Variants in RNF214 observed in about 807,000 individuals in gnomAD.
RNF214 encodes the protein ring finger protein 214.
In RNF214, 25 loss-of-function variants were observed where a neutral mutation model predicts 75.9. That is an observed-to-expected ratio of 0.33 (90% CI 0.24 to 0.46). RNF214 has a LOEUF of 0.46. RNF214 is among the 20% of genes least tolerant of loss of function. The pLI is 1.00. For missense variants in RNF214, 725 were observed against 857.5 expected (o/e 0.85, Z 1.93); for synonymous variants, 314 against 308.8 (o/e 1.02, Z -0.18).
chr11:117,261,180 G>A (rs1251679107), intron 6 of RNF214, among the ~76,000 whole-genome samples: 2 of 152,080 alleles, frequency 1.3e-5, no homozygotes, highest in Non-Finnish European at 2.9e-5. Context: ...TAGGTTTTTT[G>A]TGTATGCCTT....
At chr11:117,252,813 C>G (rs1342368816) in intron 6 of RNF214, among the ~76,000 whole-genome samples, 1 of 152,164 alleles carries the variant, frequency 6.6e-6, no homozygotes, top group Non-Finnish European at 1.5e-5. Context: ...AGCCGCCTCA[C>G]CTGGCCTGAA....
chr11:117,242,895 G>C (rs973253246), intron 4 of RNF214, among the ~76,000 whole-genome samples: 1 of 152,162 alleles, frequency 6.6e-6, no homozygotes, highest in Non-Finnish European at 1.5e-5. Context: ...CTTTGGTTAA[G>C]ATCCTCTTTC....
rs1264216489 is a variant in RNF214 at position 117,235,201 on chromosome 11, C to T, written c.107+822C>T. Among the ~76,000 whole-genome samples the T allele has an allele frequency of 2.0e-5, 3 of 152,078 alleles. No individual in the cohort carries two copies. The East Asian group carries it at 5.8e-4, about 29-fold the overall frequency. On this transcript the variant is annotated intron_variant, in intron 2 of 14. Transcript: ENST00000300650. ...TTTTAATGGTTTCAAATCTATTTCA[C>T]TTTTCTTTTTTTGAGATGGAGTCTC... is the stretch of plus-strand genomic sequence containing the variant.
chr11:117,241,788 T>C (rs1341090324), intron 4 of RNF214, among the ~76,000 whole-genome samples: 1 of 152,208 alleles, frequency 6.6e-6, no homozygotes, highest in African/African-American at 2.4e-5. Flanking sequence ...GATACTATTT[T>C]CCATTTCTTT....
chr11:117,281,792 A>T, intron 10 of RNF214, 94 bp downstream of exon 10: 4 of 1,502,328 alleles, frequency 2.7e-6, no homozygotes, highest in Non-Finnish European at 3.7e-6. Flanking sequence ...TATTGGGACC[A>T]TCCCTATTCA....
intron 6 of RNF214, among the ~76,000 whole-genome samples, chr11:117,277,625 G>T (rs535713994): frequency 6.6e-6 from 1 of 152,300 alleles, no homozygotes; most frequent in African/African-American, 2.4e-5. Context: ...GCTCTCTTTT[G>T]TATATGTAAG....
At chr11:117,260,100 G>T (rs1222377046) in intron 6 of RNF214, among the ~76,000 whole-genome samples, 1 of 151,490 alleles carries the variant, frequency 6.6e-6, no homozygotes, top group African/African-American at 2.4e-5. Flanking sequence ...TCTCCCCCTG[G>T]GAGGCACAAC....
chr11:117,283,329 T>C (rs1326778211), intron 14 of RNF214, 119 bp downstream of exon 14: 1 of 696,160 alleles, frequency 1.4e-6, no homozygotes, highest in East Asian at 2.7e-5. Flanking sequence ...TTTCTTTTAC[T>C]GTGTTGGTGC....
At chr11:117,253,482 AAGGTGAGGTTTC>A (rs2033448652) in intron 6 of RNF214, among the ~76,000 whole-genome samples, 1 of 152,096 alleles carries the variant, frequency 6.6e-6, no homozygotes, top group African/African-American at 2.4e-5. Context: ...TGGCATTAGA[AAGGTGAGGTTTC>A]CCTGTTAGTG....
At chr11:117,281,173 C>T in intron 8 of RNF214, 141 bp from the exon 9 acceptor site, 1 of 599,166 alleles carries the variant, frequency 1.7e-6, no homozygotes, top group Non-Finnish European at 3.1e-6. Flanking sequence ...AGGGTTTAGC[C>T]ACATTGCCCA....
At chr11:117,282,674 A>G (rs866304512) in intron 12 of RNF214, 72 bp from the exon 13 acceptor site, 23 of 1,553,498 alleles carry the variant, frequency 1.5e-5, no homozygotes, top group Middle Eastern at 1.7e-4. Flanking sequence ...GGACTGGGAA[A>G]TAAGTGATTT....
chr11:117,276,109 A>G (rs1470951388), intron 6 of RNF214, among the ~76,000 whole-genome samples: 1 of 152,232 alleles, frequency 6.6e-6, no homozygotes, highest in African/African-American at 2.4e-5. Context: ...AATGTGATTC[A>G]CCACATAAAC....
intron 14 of RNF214, among the ~76,000 whole-genome samples, 183 bp from the exon 15 acceptor site, chr11:117,284,903 C>T (rs1329087553): frequency 1.3e-5 from 2 of 152,164 alleles, no homozygotes; most frequent in Admixed American, 6.5e-5. Flanking sequence ...GCACGCCAGC[C>T]TGGGCAATAG....
chr11:117,267,282 G>A (rs989858567), intron 6 of RNF214, among the ~76,000 whole-genome samples: 2 of 152,154 alleles, frequency 1.3e-5, no homozygotes, highest in East Asian at 1.9e-4. Context: ...TGTGGTTCAT[G>A]TATTTTGTGG....
chr11:117,234,817 T>C (rs2032856057), intron 2 of RNF214, among the ~76,000 whole-genome samples: 1 of 152,178 alleles, frequency 6.6e-6, no homozygotes, highest in South Asian at 2.1e-4. Flanking sequence ...TGAACTAAAT[T>C]AGCTATATAG....
At chr11:117,274,573 G>A (rs965345957) in intron 6 of RNF214, among the ~76,000 whole-genome samples, 1 of 151,264 alleles carries the variant, frequency 6.6e-6, no homozygotes, top group Non-Finnish European at 1.5e-5. Flanking sequence ...TCACCCTGTT[G>A]GGCCAGGCTA....
rs146544283 is a variant in RNF214, at chr11:117,276,345, C to T, written c.960-3563C>T. Among the ~76,000 whole-genome samples, 255 of 152,292 alleles carry T rather than the reference C, an allele frequency of 1.7e-3. 3 individuals carry two copies. Among genetic ancestry groups the T allele is most frequent in the East Asian group, 0.016 (82 of 5,178 alleles). On this transcript the variant is annotated intron_variant, in intron 6 of 14. Transcript: ENST00000300650. ...TGGAACAAGGCCGGGCACAGTGGCTCATGCTTGTAATCCCAGAGCTTTGGG... is the reference window on the plus strand; with the variant it reads ...TGGAACAAGGCCGGGCACAGTGGCTTATGCTTGTAATCCCAGAGCTTTGGG...
chr11:117,277,440 AAT>A (rs1347226832), intron 6 of RNF214, among the ~76,000 whole-genome samples: 1 of 152,242 alleles, frequency 6.6e-6, no homozygotes, highest in East Asian at 1.9e-4. Flanking sequence ...CTAATAGATG[AAT>A]ATACCTTGTC....
intron 4 of RNF214, among the ~76,000 whole-genome samples, chr11:117,243,446 T>A (rs1176366584): frequency 6.6e-6 from 1 of 152,046 alleles, no homozygotes; most frequent in Non-Finnish European, 1.5e-5. Flanking sequence ...GCGCCCAGCC[T>A]TGAGAGCCTT....
Sources: gnomAD v4.1 joint callset for allele counts (sites outside exome capture counted in the v4.1 genomes callset) on GRCh38, gnomAD v4.1.1 for gene constraint, MANE v1.5 for transcripts, NCBI Gene and HGNC (gene_info 2026-07-23, HGNC 2026-07-21) for gene names.